ARHGAP4: variants seen among roughly 807,000 people sequenced by gnomAD.
ARHGAP4 encodes rho GTPase-activating protein 4.
In ARHGAP4, 25 loss-of-function variants were observed where a neutral mutation model predicts 67.6. The observed-to-expected ratio is 0.37, with a 90% CI of 0.27 to 0.52. The LOEUF (loss-of-function observed/expected upper bound fraction) is 0.52, where lower values mean the gene tolerates loss of function less well. Ranked by LOEUF, ARHGAP4 falls within the 20% of genes least tolerant of loss-of-function variation. The pLI, the probability that ARHGAP4 is intolerant of heterozygous loss-of-function variation, is 0.92. For synonymous variants in ARHGAP4, 448 were observed against 373.7 expected (o/e 1.20, Z -2.29); for missense variants, 804 against 854.6 (o/e 0.94, Z 0.74).
At position 153,910,752 on chromosome X, in the gene ARHGAP4, C is replaced by T. The variant is rs1418636850; in HGVS notation, c.1764G>A (p.Leu588=). 3.4e-6 allele frequency: 4 copies of T among 1,193,131 alleles called. No individual in the cohort carries two copies. The highest frequency in any genetic ancestry group is 4.5e-6 in the Non-Finnish European group (4 of 886,183). Residue 588 remains leucine (L), a synonymous_variant, in exon 15 of 22, where the codon CTG becomes CTA. Coordinates refer to ENST00000350060, the MANE Select transcript of ARHGAP4 (RefSeq NM_001666.5). The part of the protein sequence containing the change: ...AGVLKLYFRS[L]EPPLFPPDLF... ...GGTCTGGGGGGAAGAGTGGGGGCTC[C>T]AGGCTCCGGAAGTAGAGCTTCAGCA... is the stretch of plus-strand genomic sequence containing the variant.
rs2064983471 is a variant in ARHGAP4, at chrX:153,907,980, A to G, written c.2608-18T>C. 8.8e-7 allele frequency: 1 copy of G among 1,135,837 alleles called. No homozygotes were observed. The highest frequency in any genetic ancestry group is 1.2e-6 in the Non-Finnish European group (1 of 858,131). 93.6% of individuals were successfully genotyped at this position (1,135,837 alleles called of 1,213,427 possible). On this transcript the variant is annotated intron_variant, in intron 21 of 21. Coordinates refer to ENST00000350060, the MANE Select transcript of ARHGAP4 (RefSeq NM_001666.5). The stretch of plus-strand genomic sequence containing the variant: ...GCCACAGCCTAGCGGAGGGGAAAGA[A>G]AGGGAGAGTGACCAGTGAGTTCCCC...
At chrX:153,908,267 C>T (rs1380206669) in intron 21 of ARHGAP4, among the ~76,000 whole-genome samples, 1 of 112,070 alleles carries the variant, frequency 8.9e-6, no homozygotes, top group East Asian at 2.8e-4. Context: ...CCTCAGGGAC[C>T]GCCAGCGTGC....
chrX:153,913,676 G>T, intron 8 of ARHGAP4, 76 bp from the exon 9 acceptor site: 1 of 1,161,676 alleles, frequency 8.6e-7, no homozygotes, highest in Non-Finnish European at 1.2e-6. Context: ...TCAGAAGGAA[G>T]GGGCCAAAGG....
At chrX:153,919,677 G>T in intron 5 of ARHGAP4, 1 of 1,162,471 alleles carries the variant, frequency 8.6e-7, no homozygotes, top group Non-Finnish European at 1.1e-6. Flanking sequence ...GGCCTCTGCG[G>T]GGGCCAGAGC....
rs782476518 is a variant in ARHGAP4, at chrX:153,913,336, C to T, written c.1327-34G>A. The T allele has an allele frequency of 9.2e-6, 11 of 1,199,467 alleles. No homozygotes were observed. The African/African-American group carries it at 1.7e-4, about 19-fold the overall frequency. ...CCCCAAGAAGAGCCCCAAGTGTTAGCCCTGGCTTGAGCCCCTCCCTCTGCC... is the reference window on the plus strand; with the variant it reads ...CCCCAAGAAGAGCCCCAAGTGTTAGTCCTGGCTTGAGCCCCTCCCTCTGCC... On this transcript the variant is annotated intron_variant, in intron 9 of 21. Transcript: ENST00000350060.
At chrX:153,924,660 G>A (rs782550906) in intron 1 of ARHGAP4, among the ~76,000 whole-genome samples, 1 of 111,717 alleles carries the variant, frequency 9.0e-6, no homozygotes, top group African/African-American at 3.3e-5. Context: ...GGGCTGGAGG[G>A]GCTGGAGTCG....
intron 1 of ARHGAP4, chrX:153,922,141 T>A (rs1415332219): frequency 1.1e-6 from 1 of 934,235 alleles, no homozygotes; most frequent in Non-Finnish European, 1.3e-6. Flanking sequence ...TTTGGCTTCC[T>A]GTCTCTCCCT....
intron 7 of ARHGAP4, among the ~76,000 whole-genome samples, chrX:153,917,301 T>G (rs1557104381): frequency 9.0e-6 from 1 of 111,493 alleles, no homozygotes; most frequent in Admixed American, 9.5e-5. Flanking sequence ...TTCCAGCTAC[T>G]CGGGAGGCTG....
intron 7 of ARHGAP4, among the ~76,000 whole-genome samples, chrX:153,915,530 C>A (rs1345918002): frequency 9.0e-6 from 1 of 111,293 alleles, no homozygotes; most frequent in Non-Finnish European, 1.9e-5. Context: ...TATGGTAAAA[C>A]CCTGACTCTA....
chrX:153,914,072 G>C, intron 7 of ARHGAP4, 193 bp from the exon 8 acceptor site: 1 of 436,371 alleles, frequency 2.3e-6, no homozygotes, highest in South Asian at 3.4e-5. Context: ...ACAGAGGTTC[G>C]TGGCGGCACC....
chrX:153,914,628 C>T (rs782118350), intron 7 of ARHGAP4, among the ~76,000 whole-genome samples: 14 of 112,066 alleles, frequency 1.2e-4, no homozygotes, highest in Admixed American at 2.8e-4. Flanking sequence ...ACCCGGGAGG[C>T]GGAGGTTGCA....
At chrX:153,922,570 T>C in intron 1 of ARHGAP4, 1 of 304,516 alleles carries the variant, frequency 3.3e-6, no homozygotes, top group South Asian at 1.6e-4. Flanking sequence ...CAACGCTGCT[T>C]CCCCCACACA....
intron 1 of ARHGAP4, among the ~76,000 whole-genome samples, chrX:153,925,269 C>T (rs1557105951): frequency 8.9e-6 from 1 of 111,882 alleles, no homozygotes. Context: ...TTAGAACCTA[C>T]ATCTCTGGGT....
chrX:153,911,032 G>A, intron 13 of ARHGAP4, 33 bp from the exon 14 acceptor site: 1 of 1,164,955 alleles, frequency 8.6e-7, no homozygotes, highest in Non-Finnish European at 1.1e-6. Flanking sequence ...TGGGCACTGA[G>A]CATCTTCCCC....
Position 153,921,365 on chromosome X carries a change from C to G in ARHGAP4, c.435G>C (p.Lys145Asn). 2 of 1,211,090 alleles carry G rather than the reference C, an allele frequency of 1.7e-6. No homozygotes were observed. The highest frequency in any genetic ancestry group is 2.2e-6 in the Non-Finnish European group (2 of 895,462). Residue 145 changes from lysine to asparagine, a missense_variant and splice_region_variant, in exon 3 of 22, where the codon AAG (lysine) becomes AAC (asparagine). By Grantham distance (94) the Lys-to-Asn change is moderately conservative. Coordinates refer to ENST00000350060, the MANE Select transcript of ARHGAP4 (RefSeq NM_001666.5). ...IAEDVGRLVK[K>N]SRDLEQQLQD... is the part of the protein sequence containing the mutation. The stretch of plus-strand genomic sequence containing the variant: ...CCGTGGCCCAGGATGAGAGCCTCAC[C>G]TTCTTGACCAGGCGCCCCACGTCCT...
intron 5 of ARHGAP4, chrX:153,920,342 G>T: frequency 2.8e-6 from 1 of 355,495 alleles, no homozygotes; most frequent in Non-Finnish European, 4.9e-6. Flanking sequence ...GTGTCTTCTT[G>T]CCCCCCTCTG....
rs1557102155 is a variant in ARHGAP4, at chrX:153,909,450, C to A, written c.2500G>T (p.Val834Phe). The A allele has an allele frequency of 8.3e-7, 1 of 1,200,328 alleles. No individual in the cohort carries two copies. The highest frequency in any genetic ancestry group is 2.2e-5 in the Admixed American group (1 of 44,811). ...SPEGLLASELVHRPEPCTSPE... is the reference protein window; with the variant it reads ...SPEGLLASELFHRPEPCTSPE... ...CCCCGTCTTCTTGCTCACCGGTGGA[C>A]CAGCTCCGATGCCAGGAGGCCCTCG... is the stretch of plus-strand genomic sequence containing the variant. Residue 834 changes from valine (V) to phenylalanine (F), a missense_variant, in exon 20 of 22, where the codon GTC (valine) becomes TTC (phenylalanine). Physicochemically the swap from Val to Phe is conservative, Grantham distance 50 (BLOSUM62 -1). This residue lies in a region of ARHGAP4 where 400 missense variants were observed against 348.7 expected (regional missense o/e 1.15). Transcript: ENST00000350060.
In ARHGAP4 at chrX:153,921,127, C is replaced by A; in HGVS notation, c.468G>T (p.Glu156Asp). Residue 156 changes from glutamate (E) to aspartate (D), a missense_variant, in exon 4 of 22, where the codon GAG (glutamate) becomes GAT (aspartate). This residue lies in a region of ARHGAP4 where 404 missense variants were observed against 505.9 expected (regional missense o/e 0.80). Transcript: ENST00000350060. ...GGAGCTCTGAGACCACCTCCAGGAG[C>A]TCATCCTGCAGCTGCTGCTCCAGAT... ...SRDLEQQLQD[E>D]LLEVVSELQT... 8.3e-7 allele frequency: 1 copy of A among 1,204,475 alleles called. No homozygotes were observed. The highest frequency in any genetic ancestry group is 1.1e-6 in the Non-Finnish European group (1 of 891,522).
At chrX:153,912,837 G>A (rs1557103579) in intron 11 of ARHGAP4, 35 bp from the exon 12 acceptor site, 4 of 1,155,273 alleles carry the variant, frequency 3.5e-6, no homozygotes, top group Non-Finnish European at 4.7e-6. Context: ...GAGGGGGCCA[G>A]GTGTGGAGAA....
Sources: gnomAD v4.1 joint callset for allele counts (sites outside exome capture counted in the v4.1 genomes callset) on GRCh38, gnomAD v4.1.1 for gene constraint, gnomAD v4.1.1 regional missense constraint, MANE v1.5 for transcripts, NCBI Gene and HGNC (gene_info 2026-07-23, HGNC 2026-07-21) for gene names.